SEMA4F: variants seen among roughly 807,000 people sequenced by gnomAD.
The protein encoded by SEMA4F is ssemaphorin 4F.
Under a neutral mutation model 78.4 loss-of-function variants are expected in SEMA4F, and 51 were observed. The observed-to-expected ratio is 0.65, with a 90% CI of 0.52 to 0.82. SEMA4F has a LOEUF of 0.82. Ranked by LOEUF, SEMA4F falls within the 40% of genes least tolerant of loss-of-function variation. The pLI, the probability that SEMA4F is intolerant of heterozygous loss-of-function variation, is 0.00. For missense variants in SEMA4F, 938 were observed against 1,014.4 expected, an observed-to-expected ratio of 0.92 and a Z score of 1.02; for synonymous variants, 418 against 408.7, an observed-to-expected ratio of 1.02 and a Z score of -0.27.
chr2:74,702,340 T>C, the SEMA4F span, among the ~76,000 whole-genome samples: 521 of 152,286 alleles, frequency 3.4e-3, 2 homozygotes, highest in Admixed American at 5.0e-3. Context: ...TCTGCAGTCA[T>C]CTCCATTCAG....
chr2:74,657,323 A>G (rs1238169438), intron 2 of SEMA4F, among the ~76,000 whole-genome samples: 2 of 152,150 alleles, frequency 1.3e-5, no homozygotes, highest in African/African-American at 2.4e-5. Flanking sequence ...AACAATATCT[A>G]CCTCTTATAT....
the SEMA4F span, among the ~76,000 whole-genome samples, chr2:74,706,872 G>T: frequency 6.6e-6 from 1 of 152,074 alleles, no homozygotes; most frequent in Admixed American, 6.6e-5. Context: ...TCATCAAAGA[G>T]CCAAATGAGG....
At chr2:74,657,776 T>A (rs1684229053) in intron 3 of SEMA4F, 77 bp from the exon 4 acceptor site, 5 of 1,452,614 alleles carry the variant, frequency 3.4e-6, no homozygotes, top group Non-Finnish European at 4.8e-6. Context: ...CAAAGCTGCA[T>A]CTAACTGTCC....
chr2:74,688,461 C>G (rs1465955880), downstream of SEMA4F, among the ~76,000 whole-genome samples: 1 of 151,984 alleles, frequency 6.6e-6, no homozygotes, highest in Non-Finnish European at 1.5e-5. Flanking sequence ...CATAAATGAG[C>G]TTTTAGAAAT....
chr2:74,686,087 T>A (rs889016062), downstream of SEMA4F, among the ~76,000 whole-genome samples: 6 of 151,634 alleles, frequency 4.0e-5, no homozygotes, highest in Non-Finnish European at 8.8e-5. Context: ...TGTGGAGAAA[T>A]AGGAATGCTT....
chr2:74,707,503 TTA>T, the SEMA4F span, among the ~76,000 whole-genome samples: 9 of 134,456 alleles, frequency 6.7e-5, no homozygotes, highest in East Asian at 1.9e-3. Context: ...TTTTTTTTTT[TTA>T]AAAAGGTTAA....
At chr2:74,656,791 C>G (rs3025983) in intron 2 of SEMA4F, 106 bp downstream of exon 2, 5 of 1,243,548 alleles carry the variant, frequency 4.0e-6, no homozygotes, top group South Asian at 1.5e-5. Flanking sequence ...GATGTAACAG[C>G]AGGGGTAGTA....
chr2:74,674,773 C>T (rs1263914815), intron 8 of SEMA4F, 97 bp downstream of exon 8: 15 of 1,549,228 alleles, frequency 9.7e-6, no homozygotes, highest in Admixed American at 9.3e-5. Flanking sequence ...CAGGCTCTCC[C>T]GCCTTTGGCT....
intron 5 of SEMA4F, among the ~76,000 whole-genome samples, chr2:74,666,363 G>A (rs1258820585): frequency 1.3e-5 from 2 of 151,766 alleles, no homozygotes; most frequent in African/African-American, 2.4e-5. Context: ...ATTCCATAAA[G>A]ATCATTATAA....
In SEMA4F at chr2:74,679,675, G is replaced by T. The variant is rs372367671; in HGVS notation, c.1779G>T (p.Trp593Cys). The change falls in exon 14 of 14, where the codon TGG becomes TGT. Residue 593 changes from tryptophan to cysteine, a missense_variant. Physicochemically the swap from Trp to Cys is radical, Grantham distance 215. Transcript: ENST00000357877. The stretch of plus-strand genomic sequence containing the variant: ...TGCCATGTTCTCCAAGCTCAGCATG[G>T]GCATCCTGTGTGTGGCACCAGCCCA... ...VVLPCSPSSA[W>C]ASCVWHQPSG... 1.9e-6 allele frequency: 3 copies of T among 1,613,742 alleles called. No homozygotes were observed. Among genetic ancestry groups the T allele is most frequent in the Non-Finnish European group, 1.7e-6 (2 of 1,179,992 alleles).
chr2:74,680,262 C>G lies in SEMA4F; in HGVS notation c.*53C>G. On this transcript the variant is annotated 3_prime_UTR_variant, in exon 14 of 14. Transcript: ENST00000357877. ...AGTGATCACTGGAACGGAGTGACCA[C>G]TGAGATGCTGGGGGTCACTGGGCCT... The G allele has an allele frequency of 1.3e-6, 2 of 1,511,240 alleles. No homozygotes were observed. The highest frequency in any genetic ancestry group is 1.8e-6 in the Non-Finnish European group (2 of 1,128,140). 93.6% of individuals were successfully genotyped at this position (1,511,240 alleles called of 1,614,324 possible).
chr2:74,662,631 G>A, intron 4 of SEMA4F, 101 bp from the exon 5 acceptor site: 2 of 930,164 alleles, frequency 2.2e-6, no homozygotes, highest in Non-Finnish European at 3.6e-6. Context: ...GAAGGGGAGA[G>A]GAATGGGAAT....
intron 5 of SEMA4F, 47 bp downstream of exon 5, chr2:74,662,872 C>T (rs995051439): frequency 1.4e-6 from 2 of 1,423,174 alleles, no homozygotes; most frequent in Non-Finnish European, 2.0e-6. Context: ...TAATTGCCTC[C>T]TTCCCCACCC....
chr2:74,697,196 G>T, the SEMA4F span, among the ~76,000 whole-genome samples: 1 of 152,218 alleles, frequency 6.6e-6, no homozygotes, highest in African/African-American at 2.4e-5. Flanking sequence ...CTTGGACTAA[G>T]ATTAAATTCT....
chr2:74,698,174 G>A, the SEMA4F span, among the ~76,000 whole-genome samples: 1 of 152,228 alleles, frequency 6.6e-6, no homozygotes, highest in East Asian at 1.9e-4. Context: ...AGGTCTAAGA[G>A]TGATGCTATG....
At chr2:74,675,083 TAAGGC>T in intron 9 of SEMA4F, 48 bp downstream of exon 9, 1 of 1,613,616 alleles carries the variant, frequency 6.2e-7, no homozygotes. Context: ...GAGCTGCTAT[TAAGGC>T]AAGAGCCCCA....
intron 4 of SEMA4F, 23 bp from the exon 5 acceptor site, chr2:74,662,709 A>G (rs774944220): frequency 6.2e-7 from 1 of 1,600,862 alleles, no homozygotes; most frequent in Non-Finnish European, 8.6e-7. Flanking sequence ...CCCCTAAACC[A>G]ATTGCCCCCT....
the SEMA4F span, among the ~76,000 whole-genome samples, chr2:74,692,365 C>T: frequency 5.3e-5 from 8 of 152,164 alleles, no homozygotes; most frequent in African/African-American, 1.4e-4. Context: ...AAGGCAGGGA[C>T]CCAAGGGAGG....
the SEMA4F span, among the ~76,000 whole-genome samples, chr2:74,694,779 G>A: frequency 6.6e-6 from 1 of 152,248 alleles, no homozygotes; most frequent in African/African-American, 2.4e-5. Flanking sequence ...AGGGAATACA[G>A]AAGTGTAAGT....
Sources: gnomAD v4.1 joint callset for allele counts (sites outside exome capture counted in the v4.1 genomes callset) on GRCh38, gnomAD v4.1.1 for gene constraint, MANE v1.5 for transcripts, NCBI Gene and HGNC (gene_info 2026-07-23, HGNC 2026-07-21) for gene names.